Variants in MIR2052HG observed in about 807,000 individuals in gnomAD.
MIR2052HG encodes MIR2052 host gene.
At position 74,682,172 on chromosome 8, in the gene MIR2052HG, A is replaced by T. The variant is rs1013509516; in HGVS notation, n.217-20207A>T. The stretch of plus-strand genomic sequence containing the variant: ...AATATATAAAAAATGCAGTTGAAAA[A>T]TTTAAATGGGAAAGGCAAATTTTAA... On this transcript the variant is annotated intron_variant and non_coding_transcript_variant, in intron 2 of 6. Coordinates refer to ENST00000523442, the Ensembl canonical transcript of MIR2052HG. Among the ~76,000 whole-genome samples, 4 of 152,178 alleles carry T rather than the reference A, an allele frequency of 2.6e-5. No individual in the cohort carries two copies. The East Asian group carries it at 7.7e-4, about 29-fold the overall frequency.
Position 74,700,748 on chromosome 8 carries a change from TG to T in MIR2052HG, n.217-1630del, listed in dbSNP as rs1809349723. Reference sequence around the variant, plus strand: ...CAATCCTTGATGAAAAAATAATGGATGTTTTTTCAGTTTTTTTCTGAACTAT... The same window carrying T: ...CAATCCTTGATGAAAAAATAATGGATTTTTTTCAGTTTTTTTCTGAACTAT... On this transcript the variant is annotated intron_variant and non_coding_transcript_variant, in intron 2 of 6. Transcript: ENST00000523442. 2.0e-5 allele frequency among the ~76,000 whole-genome samples: 3 copies of T among 152,234 alleles called. No homozygotes were observed. The South Asian group carries it at 6.2e-4, about 32-fold the overall frequency.
intron 4 of MIR2052HG, among the ~76,000 whole-genome samples, chr8:74,742,812 T>C (rs1351486229): frequency 6.6e-6 from 1 of 152,180 alleles, no homozygotes; most frequent in Non-Finnish European, 1.5e-5. Context: ...GGGTTATTAT[T>C]GACTGAAGAT....
intron 4 of MIR2052HG, among the ~76,000 whole-genome samples, chr8:74,750,770 G>A (rs1192847284): frequency 6.6e-6 from 1 of 152,162 alleles, no homozygotes; most frequent in Non-Finnish European, 1.5e-5. Context: ...AAGTAGATAA[G>A]GGTAACTAGG....
At chr8:74,705,769 A>T (rs907631886) in intron 4 of MIR2052HG, 10 of 170,066 alleles carry the variant, frequency 5.9e-5, no homozygotes, top group African/African-American at 2.4e-4. Flanking sequence ...TAGCAGACTA[A>T]CTCCTTTCCC....
intron 4 of MIR2052HG, among the ~76,000 whole-genome samples, chr8:74,743,330 G>T (rs527966276): frequency 6.6e-6 from 1 of 152,206 alleles, no homozygotes; most frequent in Non-Finnish European, 1.5e-5. Context: ...GTTTATATGA[G>T]AATAAAATTA....
intron 2 of MIR2052HG, among the ~76,000 whole-genome samples, chr8:74,651,064 A>G (rs1808746152): frequency 1.3e-5 from 2 of 151,862 alleles, no homozygotes; most frequent in Non-Finnish European, 2.9e-5. Context: ...CTTGGAAATC[A>G]TCTGTGTATA....
At chr8:74,614,436 G>T (rs1808247213) in intron 2 of MIR2052HG, among the ~76,000 whole-genome samples, 1 of 151,950 alleles carries the variant, frequency 6.6e-6, no homozygotes, top group African/African-American at 2.4e-5. Context: ...TGATCTATTT[G>T]ATCTATATTG....
At chr8:74,732,763 G>A (rs986883844) in intron 4 of MIR2052HG, among the ~76,000 whole-genome samples, 1 of 152,130 alleles carries the variant, frequency 6.6e-6, no homozygotes, top group Non-Finnish European at 1.5e-5. Flanking sequence ...GGAATAGGTA[G>A]AGGGGACATC....
At chr8:74,725,841 G>T (rs1426688519) in intron 4 of MIR2052HG, among the ~76,000 whole-genome samples, 1 of 152,102 alleles carries the variant, frequency 6.6e-6, no homozygotes, top group South Asian at 2.1e-4. Context: ...CAGAGTCGGG[G>T]TAAGTATTAC....
At chr8:74,651,098 A>T (rs1808746527) in intron 2 of MIR2052HG, among the ~76,000 whole-genome samples, 1 of 148,570 alleles carries the variant, frequency 6.7e-6, no homozygotes, top group Non-Finnish European at 1.5e-5. Flanking sequence ...CCTTTTTGTG[A>T]TTGGAGTGAG....
intron 2 of MIR2052HG, among the ~76,000 whole-genome samples, chr8:74,622,638 C>T (rs1052647543): frequency 3.3e-5 from 5 of 149,294 alleles, no homozygotes; most frequent in East Asian, 1.9e-4. Context: ...AAAGAAAAGA[C>T]GAAAAAAGAA....
At chr8:74,729,402 T>C (rs1222948492) in intron 4 of MIR2052HG, among the ~76,000 whole-genome samples, 1 of 152,150 alleles carries the variant, frequency 6.6e-6, no homozygotes, top group Non-Finnish European at 1.5e-5. Flanking sequence ...TAACAATAAA[T>C]ACATAACACA....
intron 2 of MIR2052HG, among the ~76,000 whole-genome samples, chr8:74,645,653 T>C (rs943179692): frequency 1.3e-5 from 2 of 152,218 alleles, no homozygotes; most frequent in African/African-American, 4.8e-5. Flanking sequence ...TGACTGCTAA[T>C]GCTTATGAAT....
chr8:74,746,567 A>AGTGTGTGTGTGT (rs72103010), intron 4 of MIR2052HG, among the ~76,000 whole-genome samples: 5,019 of 147,576 alleles, frequency 0.034, 105 homozygotes, highest in Admixed American at 0.049. Context: ...GAGGAGAAGA[A>AGTGTGTGTGTGT]GTGTGTGTGT....
intron 1 of MIR2052HG, chr8:74,603,670 C>A: frequency 1.9e-6 from 2 of 1,071,664 alleles, no homozygotes; most frequent in Non-Finnish European, 2.9e-6. Flanking sequence ...ATAGGCCTGA[C>A]CGCCTGCAAA....
At chr8:74,696,771 A>G (rs547341318) in intron 2 of MIR2052HG, among the ~76,000 whole-genome samples, 10 of 151,834 alleles carry the variant, frequency 6.6e-5, no homozygotes, top group Admixed American at 6.5e-4. Flanking sequence ...TAAACCAGGA[A>G]GAAATAAAAA....
At chr8:74,704,410 A>T (rs1328520152) in intron 4 of MIR2052HG, among the ~76,000 whole-genome samples, 1 of 152,022 alleles carries the variant, frequency 6.6e-6, no homozygotes, top group Non-Finnish European at 1.5e-5. Flanking sequence ...CCAGGCACTA[A>T]CTACAGAGAA....
At chr8:74,733,407 A>G (rs1321389963) in intron 4 of MIR2052HG, among the ~76,000 whole-genome samples, 8 of 152,248 alleles carry the variant, frequency 5.3e-5, no homozygotes, top group South Asian at 4.1e-4. Context: ...CAAAGGACAT[A>G]AATTCATCAT....
intron 2 of MIR2052HG, among the ~76,000 whole-genome samples, chr8:74,619,883 A>C (rs1164070718): frequency 6.6e-6 from 1 of 152,162 alleles, no homozygotes; most frequent in East Asian, 1.9e-4. Flanking sequence ...CAGAGTCTTA[A>C]CTCATTCCAA....
Sources: gnomAD v4.1 joint callset for allele counts (sites outside exome capture counted in the v4.1 genomes callset) on GRCh38, gnomAD v4.1.1 for gene constraint, MANE v1.5 for transcripts, NCBI Gene and HGNC (gene_info 2026-07-23, HGNC 2026-07-21) for gene names.